TMC1: variants seen among roughly 807,000 people sequenced by gnomAD.
The protein encoded by TMC1 is transmembrane channel like 1, also known as transmembrane channel-like protein 1.
TMC1 carries 84 observed loss-of-function variants against 105.8 expected under a neutral mutation model. The observed-to-expected ratio is 0.79, with a 90% CI of 0.67 to 0.95. The LOEUF is 0.95. TMC1 is among the 40% of genes least tolerant of loss of function. The pLI is 0.00. For synonymous variants in TMC1, 315 were observed against 311.5 expected, an observed-to-expected ratio of 1.01 and a Z score of -0.12; for missense variants, 817 against 914.1, an observed-to-expected ratio of 0.89 and a Z score of 1.37.
At chr9:72,709,666 C>T (rs896246002) in intron 8 of TMC1, among the ~76,000 whole-genome samples, 1 of 151,986 alleles carries the variant, frequency 6.6e-6, no homozygotes, top group Non-Finnish European at 1.5e-5. Flanking sequence ...TTCATAGTAG[C>T]CTTGAGTGAT....
chr9:72,613,978 T>C (rs74996749), intron 2 of TMC1, among the ~76,000 whole-genome samples: 2,221 of 152,262 alleles, frequency 0.015, 45 homozygotes, highest in African/African-American at 0.051. Flanking sequence ...ACTTTAACAT[T>C]TCAGAATGAG....
In TMC1 at chr9:72,693,839, T is replaced by C. The variant is rs1398075810; in HGVS notation, c.65-704T>C. ...TAAAAAGTTATGAACACATGAGGCA[T>C]TCATTGTTGTTGATGATGAAACAAA... On this transcript the variant is annotated intron_variant, in intron 6 of 23. Transcript: ENST00000297784. Among the ~76,000 whole-genome samples the C allele has an allele frequency of 2.0e-5, 3 of 152,146 alleles. No individual in the cohort carries two copies. In the East Asian group the frequency reaches 5.8e-4, roughly 29 times the overall value.
chr9:72,588,555 G>A (rs1824588541), intron 2 of TMC1, among the ~76,000 whole-genome samples: 3 of 152,134 alleles, frequency 2.0e-5, no homozygotes, highest in Admixed American at 2.0e-4. Flanking sequence ...ACAGTATGGT[G>A]GCTGGGTTCC....
chr9:72,647,844 G>A (rs1204107723), intron 4 of TMC1, among the ~76,000 whole-genome samples: 1 of 150,062 alleles, frequency 6.7e-6, no homozygotes, highest in East Asian at 1.9e-4. Flanking sequence ...AGTAACCAGA[G>A]AATGCCAGCG....
At chr9:72,772,112 T>G (rs545728447) in intron 12 of TMC1, among the ~76,000 whole-genome samples, 14 of 152,282 alleles carry the variant, frequency 9.2e-5, no homozygotes, top group African/African-American at 3.4e-4. Flanking sequence ...TACCACGAAA[T>G]GTGTTTTGAT....
intron 18 of TMC1, among the ~76,000 whole-genome samples, chr9:72,811,451 A>G (rs1484378376): frequency 6.6e-6 from 1 of 152,162 alleles, no homozygotes; most frequent in African/African-American, 2.4e-5. Context: ...GTTTGTCCCT[A>G]GGAAGGATTT....
chr9:72,545,754 C>T (rs538264254), intron 1 of TMC1, among the ~76,000 whole-genome samples: 1 of 152,196 alleles, frequency 6.6e-6, no homozygotes, highest in Admixed American at 6.5e-5. Context: ...TCCCAGAGTG[C>T]TGGGATTACA....
chr9:72,822,460 A>C (rs919487960), intron 20 of TMC1, among the ~76,000 whole-genome samples: 2 of 151,858 alleles, frequency 1.3e-5, no homozygotes, highest in African/African-American at 4.8e-5. Context: ...GAGTTAAACT[A>C]GCTGGACCTC....
intron 21 of TMC1, among the ~76,000 whole-genome samples, chr9:72,828,856 C>T (rs1173546319): frequency 3.3e-5 from 5 of 152,184 alleles, no homozygotes; most frequent in Admixed American, 6.5e-5. Flanking sequence ...TTTCCTAATT[C>T]GAGGGCCAGA....
At chr9:72,773,258 T>C (rs1470213344) in intron 13 of TMC1, among the ~76,000 whole-genome samples, 1 of 152,176 alleles carries the variant, frequency 6.6e-6, no homozygotes, top group Non-Finnish European at 1.5e-5. Flanking sequence ...TTTTTTGAAC[T>C]AGTTTACGAG....
intron 23 of TMC1, among the ~76,000 whole-genome samples, chr9:72,833,623 T>C (rs1829076645): frequency 6.6e-6 from 1 of 152,164 alleles, no homozygotes; most frequent in African/African-American, 2.4e-5. Flanking sequence ...GAGAGGCAAA[T>C]TTTCTGAGAC....
chr9:72,529,319 G>GC (rs1325591774), intron 1 of TMC1, among the ~76,000 whole-genome samples: 1 of 152,114 alleles, frequency 6.6e-6, no homozygotes, highest in Non-Finnish European at 1.5e-5. Flanking sequence ...CGGTGTGGTG[G>GC]CGGGCACTTG....
At chr9:72,651,019 C>T (rs1384521761) in intron 5 of TMC1, 1 of 145,936 alleles carries the variant, frequency 6.9e-6, no homozygotes, top group Non-Finnish European at 1.5e-5. Flanking sequence ...GACATAATCT[C>T]GTTCTTGTTT....
At chr9:72,725,878 G>T (rs1827116059) in intron 8 of TMC1, among the ~76,000 whole-genome samples, 2 of 151,998 alleles carry the variant, frequency 1.3e-5, no homozygotes, top group South Asian at 4.2e-4. Context: ...TTTTAGTAGA[G>T]ACAGGGTTTC....
chr9:72,775,164 C>A (rs554271644), intron 13 of TMC1, among the ~76,000 whole-genome samples: 1 of 152,246 alleles, frequency 6.6e-6, no homozygotes, highest in Non-Finnish European at 1.5e-5. Context: ...CATTTGAGAA[C>A]CTTTCAGTCC....
intron 1 of TMC1, among the ~76,000 whole-genome samples, chr9:72,547,785 GA>G (rs1430183801): frequency 6.6e-6 from 1 of 152,176 alleles, no homozygotes; most frequent in East Asian, 1.9e-4. Context: ...CATGAACCTA[GA>G]AACAAATGTG....
chr9:72,526,784 T>A (rs1823413604), intron 1 of TMC1, among the ~76,000 whole-genome samples: 1 of 152,170 alleles, frequency 6.6e-6, no homozygotes. Context: ...CTTTTCCTGC[T>A]CCTGTTCTTG....
chr9:72,553,891 C>T (rs573854461), intron 1 of TMC1, among the ~76,000 whole-genome samples: 20 of 152,286 alleles, frequency 1.3e-4, no homozygotes, highest in African/African-American at 4.3e-4. Context: ...TGGCGTCTCC[C>T]TACGACTATT....
chr9:72,612,385 G>C (rs974769712), intron 2 of TMC1, among the ~76,000 whole-genome samples: 1 of 151,788 alleles, frequency 6.6e-6, no homozygotes, highest in Admixed American at 6.6e-5. Context: ...TTTTGCCCAG[G>C]CTGGTCTTGA....
Sources: allele counts gnomAD v4.1 joint callset (sites outside exome capture counted in the v4.1 genomes callset), GRCh38; gene constraint gnomAD v4.1.1; transcripts MANE v1.5; gene names NCBI Gene and HGNC (gene_info 2026-07-23, HGNC 2026-07-21).